SLC4A8: variants seen among roughly 807,000 people sequenced by gnomAD.
SLC4A8 encodes the protein electroneutral sodium bicarbonate exchanger 1.
In SLC4A8, 40 loss-of-function variants were observed where a neutral mutation model predicts 125.0. The observed-to-expected ratio is 0.32, with a 90% confidence interval of 0.25 to 0.42. SLC4A8 has a LOEUF of 0.42. Among genes scored for constraint, SLC4A8 ranks in the 10% least tolerant of loss-of-function variants. The probability of loss-of-function intolerance (pLI) is 1.00; values close to 1 mark genes in which losing one functional copy is unlikely to be tolerated. For synonymous variants in SLC4A8, 456 were observed against 476.0 expected (o/e 0.96, Z 0.55); for missense variants, 863 against 1,355.1 (o/e 0.64, Z 5.70).
chr12:51,497,344 A>G (rs2138425716), intron 22 of SLC4A8: 4 of 510,320 alleles, frequency 7.8e-6, no homozygotes, highest in Middle Eastern at 5.3e-4. Context: ...TCCTTTGTTT[A>G]CAATCTACTC....
At chr12:51,470,577 C>G (rs762391456) in intron 13 of SLC4A8, 52 bp downstream of exon 13, 1 of 1,537,394 alleles carries the variant, frequency 6.5e-7, no homozygotes, top group Non-Finnish European at 9.0e-7. Context: ...GATTATGCTG[C>G]CAGGATTAAA....
intron 22 of SLC4A8, chr12:51,497,988 C>CTGCAG (rs1399771626): frequency 6.6e-6 from 1 of 151,718 alleles, no homozygotes; most frequent in Non-Finnish European, 1.5e-5. Flanking sequence ...GAGGTTGAGG[C>CTGCAG]TGCAGTGAGC....
intron 16 of SLC4A8, among the ~76,000 whole-genome samples, chr12:51,478,880 A>G (rs957019663): frequency 3.9e-5 from 6 of 152,234 alleles, no homozygotes; most frequent in Non-Finnish European, 8.8e-5. Context: ...TCCAAGGCCC[A>G]TGGCCTGGAG....
At chr12:51,399,189 T>C (rs1217141864) in intron 1 of SLC4A8, among the ~76,000 whole-genome samples, 1 of 152,264 alleles carries the variant, frequency 6.6e-6, no homozygotes, top group East Asian at 1.9e-4. Flanking sequence ...AGATGTTTAA[T>C]GTCCTCTTAA....
chr12:51,410,602 T>C (rs1948573967), intron 1 of SLC4A8, among the ~76,000 whole-genome samples: 1 of 151,968 alleles, frequency 6.6e-6, no homozygotes, highest in South Asian at 2.1e-4. Flanking sequence ...GGATTACAGG[T>C]ATGCGCCACC....
At chr12:51,489,033 T>G (rs1219768577) in intron 18 of SLC4A8, among the ~76,000 whole-genome samples, 173 bp downstream of exon 18, 1 of 152,192 alleles carries the variant, frequency 6.6e-6, no homozygotes, top group Non-Finnish European at 1.5e-5. Context: ...GGAACATGGT[T>G]GTATGGTATG....
rs114277020 is a variant in SLC4A8, at chr12:51,394,027, C to G, written c.-112+2539C>G. On this transcript the variant is annotated intron_variant, in intron 1 of 24. Transcript: ENST00000358657. ...CACTCCCTGTACAGGTCGGACCTAC[C>G]GTCTTTGCTCTGTCCTTCCTCCACC... 5.4e-3 allele frequency among the ~76,000 whole-genome samples: 817 copies of G among 152,298 alleles called. 7 individuals are homozygous for G. The highest frequency in any genetic ancestry group is 0.019 in the African/African-American group (773 of 41,550).
At chr12:51,401,466 A>T (rs1229600811) in intron 1 of SLC4A8, among the ~76,000 whole-genome samples, 1 of 152,166 alleles carries the variant, frequency 6.6e-6, no homozygotes, top group East Asian at 1.9e-4. Context: ...TGACTGCCCC[A>T]GGCAAACTCT....
intron 1 of SLC4A8, among the ~76,000 whole-genome samples, chr12:51,437,197 T>C (rs1180741072): frequency 6.6e-6 from 1 of 152,236 alleles, no homozygotes; most frequent in Non-Finnish European, 1.5e-5. Context: ...AATCTTCCCA[T>C]TGGGAAAATG....
At chr12:51,459,857 A>T in intron 7 of SLC4A8, 94 bp from the exon 8 acceptor site, 1 of 1,090,894 alleles carries the variant, frequency 9.2e-7, no homozygotes. Flanking sequence ...TGATGTAGTG[A>T]GACTCTGTCT....
intron 11 of SLC4A8, among the ~76,000 whole-genome samples, chr12:51,465,427 G>A (rs1950482892): frequency 6.6e-6 from 1 of 152,134 alleles, no homozygotes; most frequent in Non-Finnish European, 1.5e-5. Flanking sequence ...CCACCTGAGG[G>A]TTTGGGAGAC....
chr12:51,493,412 G>T (rs1269780165), intron 19 of SLC4A8, among the ~76,000 whole-genome samples: 1 of 152,122 alleles, frequency 6.6e-6, no homozygotes, highest in African/African-American at 2.4e-5. Context: ...GTGTTTGTGT[G>T]TGTGTGTGTA....
At chr12:51,491,740 GACACACACACACACACACACACAC>G (rs35694156) in intron 19 of SLC4A8, among the ~76,000 whole-genome samples, 2 of 145,930 alleles carry the variant, frequency 1.4e-5, no homozygotes, top group Non-Finnish European at 3.0e-5. Context: ...GGGATGGGCA[GACACACACACACACACACACACAC>G]ACACACACAC....
At chr12:51,423,715 T>A (rs946109588), upstream of SLC4A8, among the ~76,000 whole-genome samples, 1 of 152,028 alleles carries the variant, frequency 6.6e-6, no homozygotes, top group African/African-American at 2.4e-5. Flanking sequence ...CTACCTGAAG[T>A]CTGGTATGAT....
intron 14 of SLC4A8, among the ~76,000 whole-genome samples, chr12:51,472,814 G>A (rs1460137050): frequency 6.6e-6 from 1 of 152,138 alleles, no homozygotes; most frequent in Non-Finnish European, 1.5e-5. Flanking sequence ...ATATGGTGCT[G>A]ATGTGAAGCT....
At chr12:51,505,743 T>G in intron 23 of SLC4A8, 92 bp from the exon 24 acceptor site, 2 of 537,160 alleles carry the variant, frequency 3.7e-6, no homozygotes, top group Non-Finnish European at 6.6e-6. Flanking sequence ...AAACCCCATC[T>G]TCTCCCTTCT....
At chr12:51,474,930 T>C in intron 15 of SLC4A8, 115 bp from the exon 16 acceptor site, 3 of 949,704 alleles carry the variant, frequency 3.2e-6, no homozygotes, top group Non-Finnish European at 4.8e-6. Flanking sequence ...GGGATGCTGC[T>C]TGCAGCCTCT....
chr12:51,475,644 C>T (rs1408404972), intron 16 of SLC4A8, among the ~76,000 whole-genome samples: 1 of 152,240 alleles, frequency 6.6e-6, no homozygotes, highest in African/African-American at 2.4e-5. Flanking sequence ...TATGAAATCA[C>T]TGGCGACACT....
Position 51,493,743 on chromosome 12 carries a change from A to C in SLC4A8, c.2740A>C (p.Met914Leu). 6.2e-7 allele frequency: 1 copy of C among 1,610,274 alleles called. No homozygotes were observed. Among genetic ancestry groups the C allele is most frequent in the Non-Finnish European group, 8.5e-7 (1 of 1,176,626 alleles). Residue 914 changes from methionine to leucine, a missense_variant, in exon 20 of 25, where the codon ATG (methionine) becomes CTG (leucine). Around this residue, in one of 6 missense-constraint regions of SLC4A8, gnomAD observed 197 missense variants for 377.7 expected, o/e 0.52. Transcript: ENST00000453097. Reference protein sequence around the residue: ...MPVLYGVFLYMGVSSLQGIQF... With the variant: ...MPVLYGVFLYLGVSSLQGIQF... ...AGTACTCTACGGAGTTTTCCTTTAC[A>C]TGGGAGTTTCTTCACTACAGGGAAT...
Sources: gnomAD v4.1 joint callset for allele counts (sites outside exome capture counted in the v4.1 genomes callset) on GRCh38, gnomAD v4.1.1 for gene constraint, gnomAD v4.1.1 regional missense constraint, MANE v1.5 for transcripts, NCBI Gene and HGNC (gene_info 2026-07-23, HGNC 2026-07-21) for gene names.